The following BMPR1B variants were observed in gnomAD, a reference collection of about 807,000 sequenced individuals.
BMPR1B encodes bone morphogenetic protein receptor type-1B.
In BMPR1B, 12 loss-of-function variants were observed where a neutral mutation model predicts 59.1. That is an observed-to-expected ratio of 0.20 (90% confidence interval 0.13 to 0.33). The LOEUF is 0.33. BMPR1B is among the 10% of genes least tolerant of loss of function. The probability of loss-of-function intolerance (pLI) is 1.00; values close to 1 mark genes in which losing one functional copy is unlikely to be tolerated. For synonymous variants in BMPR1B, 237 were observed against 207.3 expected (o/e 1.14, Z -1.23); for missense variants, 550 against 610.9 (o/e 0.90, Z 1.05).
chr4:95,026,126 C>CTTTCTTTCTTTCTT lies in BMPR1B; in HGVS notation c.-18+29994_-18+30007dup, dbSNP rs1553928491. 2.1e-3 allele frequency among the ~76,000 whole-genome samples: 177 copies of CTTTCTTTCTTTCTT among 84,882 alleles called. 1 individual carries two copies. The highest frequency in any genetic ancestry group is 5.3e-3 in the African/African-American group (169 of 31,636). 55.7% of individuals were successfully genotyped at this position (84,882 alleles called of 152,430 possible). A position where few individuals can be genotyped will look rare whatever the true frequency, so the allele number is the denominator to read the frequency against. On this transcript the variant is annotated intron_variant, in intron 3 of 12. Transcript: ENST00000515059. ...TCTTTCTTTCTTTCTTTCTTTCTTT[C>CTTTCTTTCTTTCTT]TTTCTTTCTTTCTTTCTTTCTTTCT...
At chr4:95,076,242 T>C (rs1379363356) in intron 3 of BMPR1B, among the ~76,000 whole-genome samples, 1 of 152,116 alleles carries the variant, frequency 6.6e-6, no homozygotes, top group Non-Finnish European at 1.5e-5. Flanking sequence ...TCCAACTTTA[T>C]TAGTATTATA....
chr4:95,118,599 T>C (rs978217568), intron 6 of BMPR1B, among the ~76,000 whole-genome samples: 2 of 152,162 alleles, frequency 1.3e-5, no homozygotes, highest in African/African-American at 4.8e-5. Context: ...TCAGTTCTAC[T>C]TCCCAGAGCA....
At chr4:95,144,981 T>C (rs975218710) in intron 10 of BMPR1B, among the ~76,000 whole-genome samples, 2 of 152,174 alleles carry the variant, frequency 1.3e-5, no homozygotes, top group African/African-American at 4.8e-5. Flanking sequence ...TAGTTCTGGA[T>C]CCTGCTGGGT....
chr4:94,802,394 T>G (rs895437920), intron 1 of BMPR1B, among the ~76,000 whole-genome samples: 1 of 152,104 alleles, frequency 6.6e-6, no homozygotes, highest in Non-Finnish European at 1.5e-5. Flanking sequence ...TTTGTTTTGT[T>G]TTTTAGGGAT....
chr4:94,801,800 T>C (rs1040708406), intron 1 of BMPR1B, among the ~76,000 whole-genome samples: 19 of 152,186 alleles, frequency 1.2e-4, no homozygotes, highest in Non-Finnish European at 2.4e-4. Context: ...CCTTATTCTT[T>C]CTTCCCTGGA....
At chr4:94,924,100 C>T (rs1415827260) in intron 2 of BMPR1B, among the ~76,000 whole-genome samples, 1 of 152,028 alleles carries the variant, frequency 6.6e-6, no homozygotes, top group African/African-American at 2.4e-5. Context: ...GTATTTTTTC[C>T]CTGCTACTTG....
intron 4 of BMPR1B, among the ~76,000 whole-genome samples, chr4:95,104,884 T>A (rs1465715048): frequency 6.6e-6 from 1 of 151,446 alleles, no homozygotes; most frequent in Non-Finnish European, 1.5e-5. Flanking sequence ...TAGTTAAACA[T>A]CAGAGGCTGT....
chr4:94,854,588 A>G, intron 1 of BMPR1B, among the ~76,000 whole-genome samples: 1 of 152,192 alleles, frequency 6.6e-6, no homozygotes, highest in African/African-American at 2.4e-5. Flanking sequence ...ATGCATTTAT[A>G]TGTAAAATGC....
At chr4:95,052,981 C>T (rs1836264) in intron 3 of BMPR1B, among the ~76,000 whole-genome samples, 53,814 of 151,886 alleles carry the variant, frequency 0.35, 9,729 homozygotes, top group South Asian at 0.43. Flanking sequence ...CTACTACTGC[C>T]TCTTCATTGC....
chr4:94,806,932 AAAGAT>A (rs1723626692), intron 1 of BMPR1B, among the ~76,000 whole-genome samples: 2 of 151,978 alleles, frequency 1.3e-5, no homozygotes, highest in Non-Finnish European at 2.9e-5. Context: ...TTTTCTTATT[AAAGAT>A]ATTTTATTAA....
intron 2 of BMPR1B, among the ~76,000 whole-genome samples, chr4:94,886,673 C>A (rs1727182297): frequency 6.6e-6 from 1 of 152,128 alleles, no homozygotes. Flanking sequence ...AATTTCTATT[C>A]AAAAATATAC....
intron 10 of BMPR1B, among the ~76,000 whole-genome samples, chr4:95,146,073 A>G (rs1300601594): frequency 1.3e-5 from 2 of 152,258 alleles, no homozygotes; most frequent in Non-Finnish European, 2.9e-5. Flanking sequence ...GGGATATACC[A>G]AATGACTATG....
chr4:94,920,282 G>T (rs1728639742), intron 2 of BMPR1B, among the ~76,000 whole-genome samples: 1 of 152,074 alleles, frequency 6.6e-6, no homozygotes, highest in South Asian at 2.1e-4. Context: ...CTTTTACAAA[G>T]AAAATATTGC....
At chr4:94,867,510 C>T (rs1726294703) in intron 1 of BMPR1B, among the ~76,000 whole-genome samples, 1 of 152,164 alleles carries the variant, frequency 6.6e-6, no homozygotes, top group African/African-American at 2.4e-5. Context: ...CTTTATTCCT[C>T]CTACATCTTA....
At chr4:94,938,214 ATGGTTTTTAAC>A (rs1729389954) in intron 2 of BMPR1B, among the ~76,000 whole-genome samples, 1 of 152,132 alleles carries the variant, frequency 6.6e-6, no homozygotes, top group African/African-American at 2.4e-5. Flanking sequence ...TATGGTGTCC[ATGGTTTTTAAC>A]TGTACTAGTG....
At chr4:95,148,222 G>GT (rs1734782997) in intron 10 of BMPR1B, among the ~76,000 whole-genome samples, 1 of 152,034 alleles carries the variant, frequency 6.6e-6, no homozygotes, top group Admixed American at 6.6e-5. Context: ...AAAAAATACT[G>GT]TTTCACATGA....
intron 3 of BMPR1B, among the ~76,000 whole-genome samples, chr4:95,101,935 C>T (rs997361707): frequency 6.6e-6 from 1 of 152,026 alleles, no homozygotes; most frequent in Non-Finnish European, 1.5e-5. Context: ...ATTTTCTTAG[C>T]CCCTTTTTCT....
chr4:94,790,218 C>T lies in BMPR1B; in HGVS notation c.-183+32150C>T, dbSNP rs532683181. The stretch of plus-strand genomic sequence containing the variant: ...CTTTCAGCTGCACAGAGATTGGTGC[C>T]TCTAACCCCCGCATTGTTATAGAGT... On this transcript the variant is annotated intron_variant, in intron 1 of 12. Transcript: ENST00000515059. Among the ~76,000 whole-genome samples the T allele has an allele frequency of 1.8e-4, 27 of 152,176 alleles. 1 individual carries two copies. The highest frequency in any genetic ancestry group is 6.3e-4 in the African/African-American group (26 of 41,518).
intron 1 of BMPR1B, among the ~76,000 whole-genome samples, chr4:94,797,708 C>T (rs1723249435): frequency 6.6e-6 from 1 of 152,138 alleles, no homozygotes; most frequent in African/African-American, 2.4e-5. Flanking sequence ...AAACACATTT[C>T]GGACCTTTGC....
Sources: gnomAD v4.1 joint callset for allele counts (sites outside exome capture counted in the v4.1 genomes callset) on GRCh38, gnomAD v4.1.1 for gene constraint, MANE v1.5 for transcripts, NCBI Gene and HGNC (gene_info 2026-07-23, HGNC 2026-07-21) for gene names.